Variants in IFT88 observed in about 807,000 individuals in gnomAD.
The protein encoded by IFT88 is intraflagellar transport protein 88 homolog.
Under a neutral mutation model 119.5 loss-of-function variants are expected in IFT88, and 74 were observed. That is an observed-to-expected ratio of 0.62 (90% CI 0.51 to 0.75). IFT88 has a LOEUF of 0.75. IFT88 is among the 30% of genes least tolerant of loss of function. The probability of loss-of-function intolerance (pLI) is 0.00; values close to 1 mark genes in which losing one functional copy is unlikely to be tolerated. For synonymous variants in IFT88, 279 were observed against 316.7 expected (o/e 0.88, Z 1.26); for missense variants, 961 against 977.7 (o/e 0.98, Z 0.23).
chr13:20,631,169 A>G (rs1230910285), intron 16 of IFT88, 67 bp downstream of exon 16: 1 of 1,007,040 alleles, frequency 9.9e-7, no homozygotes, highest in Non-Finnish European at 1.6e-6. Flanking sequence ...CTGCCCAAGG[A>G]TCATGCCTAG....
chr13:20,644,573 A>G (rs932181764), intron 19 of IFT88, among the ~76,000 whole-genome samples: 11 of 152,058 alleles, frequency 7.2e-5, no homozygotes, highest in Non-Finnish European at 1.6e-4. Context: ...CACGATTTGC[A>G]TCTCTTTTTT....
chr13:20,663,262 G>A (rs1286332590), intron 22 of IFT88: 1 of 1,457,134 alleles, frequency 6.9e-7, no homozygotes, highest in Non-Finnish European at 9.1e-7. Flanking sequence ...GTTCCTTCTA[G>A]GTTCTGGCAG....
At chr13:20,616,459 T>C (rs1265039963) in intron 14 of IFT88, among the ~76,000 whole-genome samples, 1 of 152,216 alleles carries the variant, frequency 6.6e-6, no homozygotes, top group Non-Finnish European at 1.5e-5. Flanking sequence ...GATATACAAA[T>C]ACTTACCATT....
chr13:20,641,629 A>G (rs1383130803), intron 18 of IFT88: 1 of 342,782 alleles, frequency 2.9e-6, no homozygotes. Flanking sequence ...TATTTATTAA[A>G]TTTTGAAAAT....
chr13:20,603,706 C>T (rs936116470), intron 12 of IFT88, among the ~76,000 whole-genome samples: 4 of 151,814 alleles, frequency 2.6e-5, no homozygotes, highest in African/African-American at 9.7e-5. Context: ...GATCAGCCTG[C>T]GCAACATGGC....
In IFT88 at chr13:20,577,991, C is replaced by T. The variant is rs1055871818; in HGVS notation, c.90+3516C>T. 4.1e-5 allele frequency among the ~76,000 whole-genome samples: 5 copies of T among 122,822 alleles called. No individual in the cohort carries two copies. In the Admixed American group the frequency reaches 4.2e-4, roughly 10 times the overall value. 80.6% of individuals were successfully genotyped at this position (122,822 alleles called of 152,430 possible). ...TGAAGCCATCAGGTGCCGAGCTTTT[C>T]TTTGCTGGGAGACTTTTTATTGTGG... On this transcript the variant is annotated intron_variant, in intron 2 of 25. Transcript: ENST00000351808.
chr13:20,594,869 T>C (rs1322158424), intron 7 of IFT88, among the ~76,000 whole-genome samples: 1 of 152,240 alleles, frequency 6.6e-6, no homozygotes, highest in African/African-American at 2.4e-5. Context: ...TCAATTTATT[T>C]CTATATACTT....
chr13:20,613,497 G>A (rs1218087986), intron 13 of IFT88, among the ~76,000 whole-genome samples: 1 of 152,070 alleles, frequency 6.6e-6, no homozygotes, highest in Non-Finnish European at 1.5e-5. Context: ...GTATAAAATG[G>A]TGCTTTGTAA....
chr13:20,634,179 G>T (rs1319637565), intron 16 of IFT88, among the ~76,000 whole-genome samples: 2 of 152,158 alleles, frequency 1.3e-5, no homozygotes, highest in Non-Finnish European at 2.9e-5. Context: ...AGGTTCTTGT[G>T]CGCATTGAGT....
chr13:20,647,860 T>C (rs2050977608), intron 20 of IFT88, among the ~76,000 whole-genome samples: 1 of 152,176 alleles, frequency 6.6e-6, no homozygotes, highest in Admixed American at 6.5e-5. Flanking sequence ...CAGTGAATTC[T>C]ATGTAGGAAA....
chr13:20,574,912 G>A (rs538108353), intron 2 of IFT88, among the ~76,000 whole-genome samples: 2 of 152,216 alleles, frequency 1.3e-5, no homozygotes, highest in African/African-American at 4.8e-5. Context: ...AATCACATAA[G>A]GGTAAATAGG....
intron 16 of IFT88, among the ~76,000 whole-genome samples, chr13:20,633,149 G>A (rs2048460732): frequency 6.6e-6 from 1 of 152,170 alleles, no homozygotes; most frequent in Non-Finnish European, 1.5e-5. Context: ...CAAGTAGACA[G>A]AAGGTGTATT....
At chr13:20,609,035 G>T (rs1438410639) in intron 13 of IFT88, among the ~76,000 whole-genome samples, 2 of 152,170 alleles carry the variant, frequency 1.3e-5, no homozygotes, top group Non-Finnish European at 2.9e-5. Context: ...TTGTTTGGTA[G>T]GGAGATCTTG....
intron 22 of IFT88, among the ~76,000 whole-genome samples, chr13:20,658,874 G>A (rs907893464): frequency 6.6e-6 from 1 of 152,176 alleles, no homozygotes; most frequent in Non-Finnish European, 1.5e-5. Flanking sequence ...CTTCAAGGAA[G>A]GCCAGGTTTT....
In IFT88 at chr13:20,596,216, C is replaced by A; in HGVS notation, c.465C>A (p.Ala155=). The A allele has an allele frequency of 1.9e-6, 3 of 1,546,016 alleles. No individual in the cohort carries two copies. Among genetic ancestry groups the A allele is most frequent in the South Asian group, 1.2e-5 (1 of 83,576 alleles). The change falls in exon 8 of 26, where the codon GCC becomes GCA. Residue 155 remains alanine (A), a synonymous_variant. Transcript: ENST00000351808. The part of the protein sequence containing the change: ...VNELVEESCI[A]NSCGDLKLAL... ...AGTTGGTAGAAGAAAGCTGTATTGCCAATAGTTGTGGAGACTTAAAATTGG... is the reference window on the plus strand; with the variant it reads ...AGTTGGTAGAAGAAAGCTGTATTGCAAATAGTTGTGGAGACTTAAAATTGG...
chr13:20,674,725 T>TATATA lies in IFT88; in HGVS notation c.2242+3686_2242+3687insATATA, dbSNP rs1491475484. ...TTTTATATATATATATATATATATATTTTTTTTTTTTTTTTTTTTTGAGAC... is the reference window on the plus strand; with the variant it reads ...TTTTATATATATATATATATATATATATATATTTTTTTTTTTTTTTTTTTTGAGAC... On this transcript the variant is annotated intron_variant, in intron 24 of 25. Transcript: ENST00000351808. Among the ~76,000 whole-genome samples the TATATA allele has an allele frequency of 4.5e-4, 14 of 31,436 alleles. No individual in the cohort carries two copies. The South Asian group carries it at 8.2e-3, about 18-fold the overall frequency. The allele number at this position is 31,436 out of a possible 152,430, so 20.6% of individuals were successfully genotyped here.
chr13:20,687,037 A>C (rs374212957), intron 24 of IFT88, among the ~76,000 whole-genome samples: 22,754 of 147,490 alleles, frequency 0.15, 2,267 homozygotes, highest in African/African-American at 0.24. Context: ...AAAAAAAAAA[A>C]AAAAAAAAAA....
intron 20 of IFT88, among the ~76,000 whole-genome samples, chr13:20,647,572 T>C (rs1211898769): frequency 6.6e-6 from 1 of 152,230 alleles, no homozygotes; most frequent in African/African-American, 2.4e-5. Flanking sequence ...TGTTTTATTT[T>C]CTTTACATTC....
chr13:20,630,955 A>T, intron 15 of IFT88, 61 bp from the exon 16 acceptor site: 1 of 1,083,566 alleles, frequency 9.2e-7, no homozygotes, highest in Non-Finnish European at 1.4e-6. Context: ...CTTTTCCCCG[A>T]CCATAAGCTT....
Sources: gnomAD v4.1 joint callset for allele counts (sites outside exome capture counted in the v4.1 genomes callset) on GRCh38, gnomAD v4.1.1 for gene constraint, MANE v1.5 for transcripts, NCBI Gene and HGNC (gene_info 2026-07-23, HGNC 2026-07-21) for gene names.